TENM3: variants seen among roughly 807,000 people sequenced by gnomAD.
TENM3 encodes the protein teneurin-3.
TENM3 carries 63 observed loss-of-function variants against 255.1 expected under a neutral mutation model. The observed-to-expected ratio is 0.25, with a 90% CI of 0.20 to 0.30. The LOEUF (loss-of-function observed/expected upper bound fraction) is 0.30. TENM3 is among the 10% of genes least tolerant of loss of function. The pLI is 1.00. For synonymous variants in TENM3, 1,306 were observed against 1,322.3 expected, an observed-to-expected ratio of 0.99 and a Z score of 0.27; for missense variants, 2,929 against 3,461.1, an observed-to-expected ratio of 0.85 and a Z score of 3.86.
At chr4:181,957,652 C>G in the TENM3 span, among the ~76,000 whole-genome samples, 6 of 152,062 alleles carry the variant, frequency 3.9e-5, no homozygotes, top group African/African-American at 1.4e-4. Flanking sequence ...GATGGGCCAC[C>G]CTGAACATCC....
chr4:182,478,070 A>T (rs530148450), intron 3 of TENM3, among the ~76,000 whole-genome samples: 93 of 152,224 alleles, frequency 6.1e-4, no homozygotes, highest in African/African-American at 2.2e-3. Flanking sequence ...TCTGAATATT[A>T]ATTTAGCTTA....
intron 2 of TENM3, among the ~76,000 whole-genome samples, chr4:182,334,487 G>T (rs1199236680): frequency 6.6e-6 from 1 of 151,964 alleles, no homozygotes; most frequent in Non-Finnish European, 1.5e-5. Flanking sequence ...CAAATTTCTG[G>T]AAATAGCCGA....
intron 2 of TENM3, among the ~76,000 whole-genome samples, chr4:182,329,179 C>G (rs924545332): frequency 2.0e-5 from 3 of 152,202 alleles, no homozygotes; most frequent in African/African-American, 4.8e-5. Context: ...ATCTGCAACT[C>G]TGTTAGGATC....
At chr4:182,279,951 C>T (rs1166496802) in intron 1 of TENM3, among the ~76,000 whole-genome samples, 1 of 152,202 alleles carries the variant, frequency 6.6e-6, no homozygotes, top group Non-Finnish European at 1.5e-5. Context: ...GTTGCAGACA[C>T]TTCAGGTTCT....
At chr4:182,693,820 C>G (rs1757186639) in intron 12 of TENM3, among the ~76,000 whole-genome samples, 1 of 152,066 alleles carries the variant, frequency 6.6e-6, no homozygotes. Context: ...AAATGGAATA[C>G]TAGAATGTAA....
chr4:181,684,536 T>C, the TENM3 span, among the ~76,000 whole-genome samples: 1 of 152,196 alleles, frequency 6.6e-6, no homozygotes, highest in Non-Finnish European at 1.5e-5. Flanking sequence ...CCACATTAGA[T>C]TTCTTAGGCA....
chr4:181,662,073 G>A, the TENM3 span, among the ~76,000 whole-genome samples: 2 of 152,118 alleles, frequency 1.3e-5, no homozygotes, highest in African/African-American at 4.8e-5. Flanking sequence ...TGTTCTAAAA[G>A]TAAAATAGCC....
the TENM3 span, among the ~76,000 whole-genome samples, chr4:181,558,714 C>G: frequency 1.3e-5 from 2 of 152,126 alleles, no homozygotes; most frequent in Admixed American, 1.3e-4. Flanking sequence ...TGGCTATTCT[C>G]CAAATGCATA....
At chr4:182,663,704 A>T (rs1019415264) in intron 6 of TENM3, among the ~76,000 whole-genome samples, 20 of 152,204 alleles carry the variant, frequency 1.3e-4, no homozygotes, top group Admixed American at 6.5e-4. Flanking sequence ...GGATTTTTTT[A>T]AGTGATTCTG....
chr4:181,637,585 A>C, the TENM3 span, among the ~76,000 whole-genome samples: 2 of 152,108 alleles, frequency 1.3e-5, no homozygotes, highest in African/African-American at 4.8e-5. Flanking sequence ...AAAAGCCAAA[A>C]CTTTGGTGGA....
At chr4:181,583,235 A>G in the TENM3 span, among the ~76,000 whole-genome samples, 1 of 152,032 alleles carries the variant, frequency 6.6e-6, no homozygotes, top group Non-Finnish European at 1.5e-5. Flanking sequence ...CTTTAAAACG[A>G]TCTGTGTGAT....
At chr4:181,797,559 T>C in the TENM3 span, among the ~76,000 whole-genome samples, 1 of 152,178 alleles carries the variant, frequency 6.6e-6, no homozygotes, top group Admixed American at 6.5e-5. Context: ...CTTTCCTCAC[T>C]ATGTTGTCTA....
At chr4:182,786,148 G>C (rs979625115) in intron 24 of TENM3, among the ~76,000 whole-genome samples, 1 of 152,138 alleles carries the variant, frequency 6.6e-6, no homozygotes. Flanking sequence ...CTGTCCAGAT[G>C]CTGGGTCTCA....
chr4:182,215,420 G>A (rs1755391308), intron 1 of TENM3, among the ~76,000 whole-genome samples: 1 of 152,106 alleles, frequency 6.6e-6, no homozygotes, highest in South Asian at 2.1e-4. Context: ...GTCAGATGGA[G>A]GTGTTTTGTT....
chr4:182,314,115 A>G (rs1176735957), intron 1 of TENM3, among the ~76,000 whole-genome samples: 3 of 152,190 alleles, frequency 2.0e-5, no homozygotes, highest in African/African-American at 7.2e-5. Flanking sequence ...GATCGAGACC[A>G]TGATGAAACC....
rs188337423 is a variant in TENM3 at position 182,609,582 on chromosome 4, T to C, written c.749+8421T>C. Among the ~76,000 whole-genome samples the C allele has an allele frequency of 9.7e-4, 148 of 152,348 alleles. 1 individual carries two copies. Among genetic ancestry groups the C allele is most frequent in the African/African-American group, 3.4e-3 (143 of 41,586 alleles). On this transcript the variant is annotated intron_variant, in intron 4 of 27. Coordinates refer to ENST00000511685, the MANE Select transcript of TENM3 (RefSeq NM_001080477.4). ...CTTTGTGCTTTCGTAGCATCTCACT[T>C]CATATTCTGAACCACTTGAAATACT...
chr4:182,144,465 GA>G (rs1255228424), upstream of TENM3: 2 of 151,982 alleles, frequency 1.3e-5, no homozygotes, highest in East Asian at 3.9e-4. Context: ...CGGGCGGGGA[GA>G]GGGGGAGCGC....
the TENM3 span, among the ~76,000 whole-genome samples, chr4:181,560,834 C>T: frequency 2.0e-5 from 3 of 152,190 alleles, no homozygotes; most frequent in East Asian, 1.9e-4. Context: ...TTTCTCTGCT[C>T]ACGGTGCAGG....
chr4:182,734,039 A>G lies in TENM3; in HGVS notation c.2968-2769A>G, dbSNP rs545879406. ...AAAATTTACTGAGAGCCTACTATGT[A>G]CAAGGTACTTTACTAAGATAAAAAG... On this transcript the variant is annotated intron_variant, in intron 16 of 27. Coordinates refer to ENST00000511685, the MANE Select transcript of TENM3 (RefSeq NM_001080477.4). Among the ~76,000 whole-genome samples, 6 of 152,342 alleles carry G rather than the reference A, an allele frequency of 3.9e-5. No individual in the cohort carries two copies. The East Asian group carries it at 1.2e-3, about 29-fold the overall frequency.
Sources: gnomAD v4.1 joint callset for allele counts (sites outside exome capture counted in the v4.1 genomes callset) on GRCh38, gnomAD v4.1.1 for gene constraint, MANE v1.5 for transcripts, NCBI Gene and HGNC (gene_info 2026-07-23, HGNC 2026-07-21) for gene names.